Variants in ABCC2 observed in about 807,000 individuals in gnomAD.
ABCC2 encodes the protein ATP binding cassette subfamily C member 2.
In ABCC2, 157 loss-of-function variants were observed where a neutral mutation model predicts 173.4. The observed-to-expected ratio is 0.91, with a 90% confidence interval of 0.80 to 1.03. The LOEUF (loss-of-function observed/expected upper bound fraction) is 1.03, where lower values mean the gene tolerates loss of function less well. Among genes scored for constraint, ABCC2 ranks in the 50% least tolerant of loss-of-function variants. The probability of loss-of-function intolerance (pLI) is 0.00; values close to 1 mark genes in which losing one functional copy is unlikely to be tolerated. For synonymous variants in ABCC2, 657 were observed against 693.5 expected, an observed-to-expected ratio of 0.95 and a Z score of 0.83; for missense variants, 1,822 against 1,852.3, an observed-to-expected ratio of 0.98 and a Z score of 0.30.
At chr10:99,820,278 C>T (rs2038510460) in intron 19 of ABCC2, among the ~76,000 whole-genome samples, 1 of 152,188 alleles carries the variant, frequency 6.6e-6, no homozygotes, top group Admixed American at 6.5e-5. Flanking sequence ...GTAATCCCAG[C>T]TGCTTGGGAG....
At chr10:99,834,668 A>T in intron 24 of ABCC2, 133 bp downstream of exon 24, 1 of 1,096,816 alleles carries the variant, frequency 9.1e-7, no homozygotes. Context: ...CCATTTAGTC[A>T]TATGTTGACA....
rs2038821449 is a variant in ABCC2, at chr10:99,836,247, G to C, written c.3571G>C (p.Asp1191His). Residue 1191 changes from aspartate (D) to histidine (H), a missense_variant, in exon 25 of 32, where the codon GAC becomes CAC. By Grantham distance (81) the Asp-to-His change is moderately conservative (BLOSUM62 -1). Coordinates refer to ENST00000647814, the MANE Select transcript of ABCC2 (RefSeq NM_000392.5). ...TCTGAAACACAATGAGGTGAGGATT[G>C]ACACCAACCAGAAATGTGTCTTTTC... The part of the protein sequence containing the change: ...RFLKHNEVRI[D>H]TNQKCVFSWI... 1 of 1,614,230 alleles carries C rather than the reference G, an allele frequency of 6.2e-7. No homozygotes were observed. The highest frequency in any genetic ancestry group is 8.5e-7 in the Non-Finnish European group (1 of 1,180,042).
intron 8 of ABCC2, 31 bp downstream of exon 8, chr10:99,799,401 A>G: frequency 1.2e-6 from 2 of 1,613,294 alleles, no homozygotes; most frequent in South Asian, 2.2e-5. Context: ...TGGTCCTTTC[A>G]GGGCCTCCTC....
chr10:99,811,000 G>A (rs951000319), intron 14 of ABCC2, among the ~76,000 whole-genome samples: 1 of 151,834 alleles, frequency 6.6e-6, no homozygotes, highest in African/African-American at 2.4e-5. Flanking sequence ...CTCCAGCCTA[G>A]GCAACAAGAG....
At chr10:99,817,521 C>A in intron 17 of ABCC2, 37 bp downstream of exon 17, 4 of 1,605,848 alleles carry the variant, frequency 2.5e-6, no homozygotes, top group Non-Finnish European at 3.4e-6. Context: ...AGGGTGAAGG[C>A]ATATTGAAGA....
intron 16 of ABCC2, among the ~76,000 whole-genome samples, chr10:99,814,244 CACACGTATGTATACACACGTATGTAT>C (rs1564684011): frequency 8.1e-5 from 5 of 61,868 alleles, no homozygotes; most frequent in Middle Eastern, 9.3e-3. Context: ...TATATATGCA[CACACGTATGTATACACACGTATGTAT>C]ACACACGTAT....
At chr10:99,796,776 G>T (rs1282767606) in intron 6 of ABCC2, among the ~76,000 whole-genome samples, 1 of 152,200 alleles carries the variant, frequency 6.6e-6, no homozygotes, top group Non-Finnish European at 1.5e-5. Context: ...TTTCTTGAGG[G>T]CATCAAGGAG....
chr10:99,813,162 T>G lies in ABCC2; in HGVS notation c.2094+18T>G. ...CCATCAAGGTGAGAGGGAATGCCAA[T>G]GCAAAAGCCTCTGACTCCCGAATGT... is the stretch of plus-strand genomic sequence containing the variant. On this transcript the variant is annotated intron_variant, in intron 16 of 31. Transcript: ENST00000647814. 1 of 1,612,414 alleles carries G rather than the reference T, an allele frequency of 6.2e-7. No homozygotes were observed.
At chr10:99,786,557 A>T (rs913216238) in intron 2 of ABCC2, among the ~76,000 whole-genome samples, 3 of 152,232 alleles carry the variant, frequency 2.0e-5, no homozygotes, top group Admixed American at 6.5e-5. Context: ...TGTACATACC[A>T]TACAGTTCTC....
At position 99,817,421 on chromosome 10, in the gene ABCC2, C is replaced by T; in HGVS notation, c.2208C>T (p.Ala736=). ...NEKRYQQVLE[A]CALLPDLEML... Reference sequence around the variant, plus strand: ...AGAGGTACCAGCAAGTACTGGAGGCCTGTGCTCTCCTCCCAGACTTGGAAA... The same window carrying T: ...AGAGGTACCAGCAAGTACTGGAGGCTTGTGCTCTCCTCCCAGACTTGGAAA... Residue 736 remains alanine (A), a synonymous_variant, in exon 17 of 32, where the codon GCC becomes GCT. Transcript: ENST00000647814. The T allele has an allele frequency of 6.2e-7, 1 of 1,614,142 alleles. No homozygotes were observed.
At position 99,814,231 on chromosome 10, in the gene ABCC2, GTGTATATATGCA is replaced by G. The variant is rs1564683898; in HGVS notation, c.2094+1088_2094+1099del. Among the ~76,000 whole-genome samples the G allele has an allele frequency of 1.7e-3, 45 of 27,164 alleles. 12 individuals are homozygous for G. Among genetic ancestry groups the G allele is most frequent in the Non-Finnish European group, 2.9e-3 (39 of 13,490 alleles). 17.8% of individuals were successfully genotyped at this position (27,164 alleles called of 152,430 possible). A position where few individuals can be genotyped will look rare whatever the true frequency, so the allele number is the denominator to read the frequency against. Reference sequence around the variant, plus strand: ...CACACATGTGTATATATACACACATGTGTATATATGCACACACGTATGTATACACACGTATGT... The same window carrying G: ...CACACATGTGTATATATACACACATGCACACGTATGTATACACACGTATGT... On this transcript the variant is annotated intron_variant, in intron 16 of 31. Coordinates refer to ENST00000647814, the MANE Select transcript of ABCC2 (RefSeq NM_000392.5).
chr10:99,819,177 G>T lies in ABCC2; in HGVS notation c.2528G>T (p.Gly843Val). 6.2e-7 allele frequency: 1 copy of T among 1,614,120 alleles called. No homozygotes were observed. The highest frequency in any genetic ancestry group is 8.5e-7 in the Non-Finnish European group (1 of 1,179,988). The change falls in exon 19 of 32, where the codon GGA (glycine) becomes GTA (valine). Residue 843 changes from glycine (G) to valine (V), a missense_variant. By Grantham distance (109) the Gly-to-Val change is moderately radical. Coordinates refer to ENST00000647814, the MANE Select transcript of ABCC2 (RefSeq NM_000392.5). ...VLGNGTIVEK[G>V]SYSALLAKKG... is the part of the protein sequence containing the mutation. ...GGGAATGGAACAATTGTAGAGAAAGGATCCTACAGTGCTCTCCTGGCCAAA... is the reference window on the plus strand; with the variant it reads ...GGGAATGGAACAATTGTAGAGAAAGTATCCTACAGTGCTCTCCTGGCCAAA...
intron 7 of ABCC2, among the ~76,000 whole-genome samples, chr10:99,798,891 C>G (rs541246548): frequency 1.3e-5 from 2 of 152,338 alleles, no homozygotes; most frequent in East Asian, 3.9e-4. Context: ...GAAAGGACCT[C>G]TCAGCATCAT....
In ABCC2 at chr10:99,814,795, A is replaced by ATGTGTGTGTG. The variant is rs147016911; in HGVS notation, c.2094+1652_2094+1653insGTGTGTGTGT. ...TGTGTGTATGTATATACACACACAC[A>ATGTGTGTGTG]TATGTGTGTGTGTATATATATATTT... On this transcript the variant is annotated intron_variant, in intron 16 of 31. Coordinates refer to ENST00000647814, the MANE Select transcript of ABCC2 (RefSeq NM_000392.5). 4.6e-4 allele frequency among the ~76,000 whole-genome samples: 62 copies of ATGTGTGTGTG among 135,622 alleles called. 1 individual carries two copies. Among genetic ancestry groups the ATGTGTGTGTG allele is most frequent in the Non-Finnish European group, 7.6e-4 (48 of 63,094 alleles). 89.0% of individuals were successfully genotyped at this position (135,622 alleles called of 152,430 possible).
At chr10:99,799,058 G>C in intron 7 of ABCC2, 149 bp from the exon 8 acceptor site, 1 of 799,496 alleles carries the variant, frequency 1.3e-6, no homozygotes, top group Non-Finnish European at 2.1e-6. Flanking sequence ...AGTGAAGGCA[G>C]CTAGAAGGGC....
At chr10:99,786,599 G>A (rs2037714158) in intron 2 of ABCC2, among the ~76,000 whole-genome samples, 1 of 152,250 alleles carries the variant, frequency 6.6e-6, no homozygotes, top group African/African-American at 2.4e-5. Flanking sequence ...GGATGCTGTG[G>A]CTCACGCCTG....
chr10:99,850,816 G>A lies in ABCC2; in HGVS notation c.4508+20G>A. ...TGACAAGTGAGTGTAGGGGGACAGG[G>A]CTTGACACGGATGGCTTAACCCTTG... is the stretch of plus-strand genomic sequence containing the variant. On this transcript the variant is annotated intron_variant, in intron 31 of 31. Transcript: ENST00000647814. The A allele has an allele frequency of 6.2e-7, 1 of 1,613,880 alleles. No homozygotes were observed.
intron 25 of ABCC2, 42 bp from the exon 26 acceptor site, chr10:99,841,925 C>A (rs1477398953): frequency 6.2e-7 from 1 of 1,613,856 alleles, no homozygotes; most frequent in East Asian, 2.2e-5. Context: ...AAGATGAGGA[C>A]GTGATCAGTG....
intron 31 of ABCC2, 120 bp downstream of exon 31, chr10:99,850,916 A>G (rs1483127359): frequency 8.0e-7 from 1 of 1,247,562 alleles, no homozygotes; most frequent in African/African-American, 1.5e-5. Context: ...CTGATGAAGA[A>G]ACTGAGACTT....
Sources: gnomAD v4.1 joint callset for allele counts (sites outside exome capture counted in the v4.1 genomes callset) on GRCh38, gnomAD v4.1.1 for gene constraint, MANE v1.5 for transcripts, NCBI Gene and HGNC (gene_info 2026-07-23, HGNC 2026-07-21) for gene names.